Variants in OLFM1 observed in about 807,000 individuals in gnomAD.
OLFM1 encodes olfactomedin 1, also known as noelin.
Under a neutral mutation model 49.7 loss-of-function variants are expected in OLFM1, and 9 were observed. That is an observed-to-expected ratio of 0.18 (90% CI 0.11 to 0.32). The LOEUF (loss-of-function observed/expected upper bound fraction) is 0.32, where lower values mean the gene tolerates loss of function less well. Among genes scored for constraint, OLFM1 ranks in the 10% least tolerant of loss-of-function variants. OLFM1 has a pLI of 1.00. For missense variants in OLFM1, 369 were observed against 661.8 expected, an observed-to-expected ratio of 0.56 and a Z score of 4.85; for synonymous variants, 240 against 271.8, an observed-to-expected ratio of 0.88 and a Z score of 1.15.
intron 5 of OLFM1, among the ~76,000 whole-genome samples, chr9:135,112,096 G>C (rs1413255031): frequency 6.6e-6 from 1 of 152,170 alleles, no homozygotes; most frequent in Non-Finnish European, 1.5e-5. Context: ...ATACGTTGTG[G>C]GGGCAGCACC....
At chr9:135,093,159 G>A (rs556738982) in intron 2 of OLFM1, among the ~76,000 whole-genome samples, 70 of 152,322 alleles carry the variant, frequency 4.6e-4, no homozygotes, top group Non-Finnish European at 8.8e-4. Context: ...TCTGATTTCT[G>A]TTGCCCTGGG....
rs763738322 is a variant in OLFM1 at position 135,075,762 on chromosome 9, G to A, written c.56G>A (p.Ser19Asn). The A allele has an allele frequency of 1.9e-6, 3 of 1,607,376 alleles. No homozygotes were observed. In the East Asian group the frequency reaches 6.8e-5, roughly 36 times the overall value. Residue 19 changes from serine to asparagine, a missense_variant, in exon 1 of 6, where the codon AGC (serine) becomes AAC (asparagine). Ser to Asn is a conservative substitution (Grantham distance 46, BLOSUM62 1). Coordinates refer to the OLFM1 transcript ENST00000252854. Reference sequence around the variant, plus strand: ...ATGCACCCGGCCCGGAAGCTCCTCAGCCTCCTCTTCCTCATCCTGATGGGC... The same window carrying A: ...ATGCACCCGGCCCGGAAGCTCCTCAACCTCCTCTTCCTCATCCTGATGGGC...
chr9:135,101,338 C>T (rs143412520), intron 4 of OLFM1, among the ~76,000 whole-genome samples: 6 of 152,270 alleles, frequency 3.9e-5, no homozygotes, highest in African/African-American at 1.2e-4. Flanking sequence ...GAACAGGGTC[C>T]GGGTTCCCTT....
intron 5 of OLFM1, among the ~76,000 whole-genome samples, chr9:135,109,104 AC>A (rs1446537152): frequency 3.3e-5 from 5 of 149,348 alleles, no homozygotes; most frequent in Non-Finnish European, 7.4e-5. Flanking sequence ...TGTATCTAAC[AC>A]CCCCCAGGAC....
At chr9:135,112,020 A>G (rs1273448268) in intron 5 of OLFM1, among the ~76,000 whole-genome samples, 1 of 152,172 alleles carries the variant, frequency 6.6e-6, no homozygotes, top group African/African-American at 2.4e-5. Context: ...CAGCCAGGAC[A>G]TTCTTAACCT....
At chr9:135,079,604 C>CA (rs1053739657) in intron 1 of OLFM1, among the ~76,000 whole-genome samples, 11 of 151,290 alleles carry the variant, frequency 7.3e-5, no homozygotes, top group East Asian at 1.9e-4. Context: ...GATTCTGTCT[C>CA]AAAAAAAAGA....
At chr9:135,078,911 A>C (rs547666355) in intron 1 of OLFM1, among the ~76,000 whole-genome samples, 3 of 152,302 alleles carry the variant, frequency 2.0e-5, no homozygotes, top group African/African-American at 7.2e-5. Context: ...AACCCCTCTG[A>C]GCCTGACCTT....
chr9:135,076,957 A>G, intron 1 of OLFM1: 1 of 1,550,526 alleles, frequency 6.4e-7, no homozygotes, highest in Non-Finnish European at 8.7e-7. Context: ...TGCAGTCCAA[A>G]TCCCAATCCA....
upstream of OLFM1, among the ~76,000 whole-genome samples, chr9:135,084,722 C>T (rs777000452): frequency 2.0e-5 from 3 of 152,150 alleles, no homozygotes; most frequent in Admixed American, 6.5e-5. This position sits in a 1 kb window ranked among gnomAD's most constrained non-coding sequence, Gnocchi z 4.6. Flanking sequence ...GGCATCCAAA[C>T]TTTGTCCCTT....
In OLFM1 at chr9:135,095,926, C is replaced by T. The variant is rs772112883; in HGVS notation, c.363C>T (p.Tyr121=). 10 of 1,612,812 alleles carry T rather than the reference C, an allele frequency of 6.2e-6. No homozygotes were observed. The highest frequency in any genetic ancestry group is 1.6e-4 in the Middle Eastern group (1 of 6,080). The change falls in exon 3 of 6, where the codon TAC becomes TAT. Residue 121 remains tyrosine, a synonymous_variant. Transcript: ENST00000371793. ...LDRRTQRDLQ[Y]VEKMENQMKG... ...GGCGGACCCAGAGAGACTTGCAGTA[C>T]GTGGAGAAGATGGAGAACCAAATGA...
At chr9:135,076,368 G>A (rs955841188) in intron 1 of OLFM1, 29 of 1,525,602 alleles carry the variant, frequency 1.9e-5, no homozygotes, top group Non-Finnish European at 2.5e-5. Context: ...GGCTTGGGGG[G>A]CTGTGGCCAC....
chr9:135,092,313 T>G (rs1424811081), intron 2 of OLFM1, among the ~76,000 whole-genome samples: 1 of 152,168 alleles, frequency 6.6e-6, no homozygotes, highest in Non-Finnish European at 1.5e-5. Context: ...TCCCAGTCCC[T>G]GTCTGGAATG....
chr9:135,082,843 G>A (rs955382195), upstream of OLFM1, among the ~76,000 whole-genome samples: 9 of 152,180 alleles, frequency 5.9e-5, no homozygotes, highest in Non-Finnish European at 1.0e-4. Flanking sequence ...GAACGTTTCC[G>A]AGGCCAAGTC....
intron 1 of OLFM1, among the ~76,000 whole-genome samples, chr9:135,079,412 C>T (rs1031859090): frequency 1.7e-4 from 26 of 152,038 alleles, no homozygotes; most frequent in East Asian, 1.9e-4. Flanking sequence ...AAAACCAGCC[C>T]GGCCAACATG....
chr9:135,114,310 G>A (rs1175809485), intron 5 of OLFM1, among the ~76,000 whole-genome samples: 1 of 151,688 alleles, frequency 6.6e-6, no homozygotes, highest in Admixed American at 6.6e-5. Flanking sequence ...TAGTAGAGAC[G>A]AGGTTTCACT....
intron 2 of OLFM1, among the ~76,000 whole-genome samples, chr9:135,092,406 C>T (rs769730118): frequency 1.9e-4 from 29 of 152,344 alleles, no homozygotes; most frequent in Non-Finnish European, 1.0e-4. Flanking sequence ...GCACGCTCAC[C>T]TTGAAGGAAT....
At position 135,119,800 on chromosome 9, in the gene OLFM1, C is replaced by T. The variant is rs747535964; in HGVS notation, c.1080C>T (p.Asp360=). Residue 360 remains aspartate, a synonymous_variant, in exon 6 of 6, where the codon GAC becomes GAT. Transcript: ENST00000371793. ...GGHSDIDLMV[D]ESGLWAVYAT... Reference sequence around the variant, plus strand: ...ACTCGGACATCGACCTCATGGTGGACGAGAGCGGGCTGTGGGCCGTGTACG... The same window carrying T: ...ACTCGGACATCGACCTCATGGTGGATGAGAGCGGGCTGTGGGCCGTGTACG... 45 of 1,613,790 alleles carry T rather than the reference C, an allele frequency of 2.8e-5. No individual in the cohort carries two copies. Among genetic ancestry groups the T allele is most frequent in the East Asian group, 1.3e-4 (6 of 44,882 alleles).
intron 2 of OLFM1, 91 bp from the exon 3 acceptor site, chr9:135,095,773 G>T: frequency 7.2e-7 from 1 of 1,392,790 alleles, no homozygotes; most frequent in Non-Finnish European, 1.0e-6. Flanking sequence ...TGCTGGCTGT[G>T]TGGGAAAGGG....
In OLFM1 at chr9:135,087,701, G is replaced by T. The variant is rs1490892670; in HGVS notation, c.-289G>T. On this transcript the variant is annotated 5_prime_UTR_variant, in exon 1 of 6. Coordinates refer to ENST00000371793, the MANE Select transcript of OLFM1 (RefSeq NM_001282611.2). ...ACGGCGCTTCCCGGTGGCGGCGGAG[G>T]AGCCCGGAGGGACGCAGCCGGGCAA... 1 of 401,798 alleles carries T rather than the reference G, an allele frequency of 2.5e-6. No homozygotes were observed. The highest frequency in any genetic ancestry group is 3.5e-6 in the Non-Finnish European group (1 of 284,190). 24.9% of individuals were successfully genotyped at this position (401,798 alleles called of 1,614,324 possible).
Sources: allele counts gnomAD v4.1 joint callset (sites outside exome capture counted in the v4.1 genomes callset), GRCh38; gene constraint gnomAD v4.1.1; non-coding constraint Gnocchi (gnomAD v3.1); transcripts MANE v1.5; gene names NCBI Gene and HGNC (gene_info 2026-07-23, HGNC 2026-07-21).